The following GRIK3 variants were observed in gnomAD, a reference collection of about 807,000 sequenced individuals.
GRIK3 encodes the protein glutamate receptor ionotropic, kainate 3.
Under a neutral mutation model 102.5 loss-of-function variants are expected in GRIK3, and 29 were observed. The observed-to-expected ratio is 0.28, with a 90% CI of 0.21 to 0.39. GRIK3 has a LOEUF of 0.39. Among genes scored for constraint, GRIK3 ranks in the 10% least tolerant of loss-of-function variants. GRIK3 has a pLI of 1.00. For missense variants in GRIK3, 908 were observed against 1,252.4 expected (o/e 0.73, Z 4.15); for synonymous variants, 511 against 504.9 (o/e 1.01, Z -0.16).
intron 1 of GRIK3, among the ~76,000 whole-genome samples, chr1:36,945,283 A>G (rs1217035581): frequency 6.6e-6 from 1 of 152,232 alleles, no homozygotes; most frequent in African/African-American, 2.4e-5. Flanking sequence ...TGGACAAAGC[A>G]CCAGTTTAGG....
chr1:36,952,871 G>T (rs529043241), intron 1 of GRIK3, among the ~76,000 whole-genome samples: 1 of 152,188 alleles, frequency 6.6e-6, no homozygotes, highest in Non-Finnish European at 1.5e-5. Flanking sequence ...GCCAAATCTG[G>T]AGGAGAGGGA....
intron 15 of GRIK3, among the ~76,000 whole-genome samples, chr1:36,802,290 A>G (rs1020616799): frequency 6.6e-6 from 1 of 152,146 alleles, no homozygotes. Flanking sequence ...TCATTTATAC[A>G]TGAGCAAACT....
At chr1:36,846,409 C>T (rs61769813) in intron 9 of GRIK3, among the ~76,000 whole-genome samples, 18,162 of 152,224 alleles carry the variant, frequency 0.12, 1,206 homozygotes, top group Non-Finnish European at 0.15. Flanking sequence ...TCACACAGAG[C>T]TGCTGCTTTC....
intron 1 of GRIK3, among the ~76,000 whole-genome samples, chr1:36,923,741 A>G (rs1641497922): frequency 1.3e-5 from 2 of 152,148 alleles, no homozygotes; most frequent in Admixed American, 1.3e-4. Context: ...CCTTATTCTC[A>G]TCCCATAACC....
intron 1 of GRIK3, among the ~76,000 whole-genome samples, chr1:36,966,028 G>C (rs958751046): frequency 6.6e-6 from 1 of 152,144 alleles, no homozygotes; most frequent in Non-Finnish European, 1.5e-5. Flanking sequence ...GTGCTGAGAC[G>C]GCACTTCTTA....
At chr1:36,950,188 T>C (rs1211509035) in intron 1 of GRIK3, among the ~76,000 whole-genome samples, 1 of 152,164 alleles carries the variant, frequency 6.6e-6, no homozygotes, top group Non-Finnish European at 1.5e-5. Context: ...AGTGTAGAAA[T>C]TGGAACTCTG....
intron 13 of GRIK3, among the ~76,000 whole-genome samples, chr1:36,810,852 G>A (rs1642553412): frequency 6.6e-6 from 1 of 152,228 alleles, no homozygotes; most frequent in South Asian, 2.1e-4. Flanking sequence ...CAGGCTCCCT[G>A]GTAAGGACAG....
chr1:36,891,007 T>C lies in GRIK3; in HGVS notation c.205A>G (p.Arg69Gly). 1 of 1,614,022 alleles carries C rather than the reference T, an allele frequency of 6.2e-7. No individual in the cohort carries two copies. Residue 69 changes from arginine (R) to glycine (G), a missense_variant, in exon 2 of 16, where the codon AGG becomes GGG. Arg to Gly is a moderately radical substitution (Grantham distance 125). Transcript: ENST00000373091. ...GTGTTGGGCAGCAGAGTCCTGTTCC[T>C]GTTGATGATGTTGGCAGAAAATCGA... ...AFRFSANIINRNRTLLPNTTL... is the reference protein window; with the variant it reads ...AFRFSANIINGNRTLLPNTTL...
chr1:36,825,734 G>A lies in GRIK3; in HGVS notation c.1623C>T (p.Ser541=). ...FSKPFMTLGV[S]ILYRKPNGTN... is the part of the protein sequence containing the mutation. The stretch of plus-strand genomic sequence containing the variant: ...TGCCATTGGGCTTTCGATACAGGAT[G>A]CTCACACCAAGTGTCATGAAGGGCT... Residue 541 remains serine, a synonymous_variant, in exon 11 of 16, where the codon AGC becomes AGT. Coordinates refer to ENST00000373091, the MANE Select transcript of GRIK3 (RefSeq NM_000831.4). The A allele has an allele frequency of 6.2e-7, 1 of 1,614,004 alleles. No individual in the cohort carries two copies. The highest frequency in any genetic ancestry group is 8.5e-7 in the Non-Finnish European group (1 of 1,179,900).
At chr1:36,889,990 G>T (rs988868555) in intron 2 of GRIK3, among the ~76,000 whole-genome samples, 1 of 152,092 alleles carries the variant, frequency 6.6e-6, no homozygotes, top group African/African-American at 2.4e-5. Context: ...GCAGGGAGAT[G>T]GACACTTCAC....
Position 36,906,354 on chromosome 1 carries a change from C to A in GRIK3, c.116-15258G>T, listed in dbSNP as rs77414130. Among the ~76,000 whole-genome samples, 110 of 152,250 alleles carry A rather than the reference C, an allele frequency of 7.2e-4. 2 individuals are homozygous for A. The South Asian group carries it at 8.7e-3, about 12-fold the overall frequency. Reference sequence around the variant, plus strand: ...GTTTCTCCGAGACTCAGTTTCTCCACCTGCAAGATGGGGTACACATCTCAG... The same window carrying A: ...GTTTCTCCGAGACTCAGTTTCTCCAACTGCAAGATGGGGTACACATCTCAG... On this transcript the variant is annotated intron_variant, in intron 1 of 15. Coordinates refer to ENST00000373091, the MANE Select transcript of GRIK3 (RefSeq NM_000831.4).
chr1:36,797,557 C>T lies in GRIK3; in HGVS notation c.*4294G>A, dbSNP rs1227672684. 1 of 152,178 alleles carries T rather than the reference C, an allele frequency of 6.6e-6. No individual in the cohort carries two copies. Among genetic ancestry groups the T allele is most frequent in the Non-Finnish European group, 1.5e-5 (1 of 68,030 alleles). The allele number at this position is 152,178 out of a possible 1,614,324, so 9.4% of individuals were successfully genotyped here. On this transcript the variant is annotated 3_prime_UTR_variant, in exon 16 of 16. Coordinates refer to ENST00000373091, the MANE Select transcript of GRIK3 (RefSeq NM_000831.4). ...CAGATGTGTCTAATCCAGAGACCTG[C>T]CCACAGAGTTGGGCTCATTTCTTGT... is the stretch of plus-strand genomic sequence containing the variant.
intron 15 of GRIK3, among the ~76,000 whole-genome samples, chr1:36,803,497 C>T (rs1162844335): frequency 2.0e-5 from 3 of 152,084 alleles, no homozygotes; most frequent in Non-Finnish European, 4.4e-5. Flanking sequence ...GTGGCGTGAC[C>T]TTGGCTCACT....
chr1:36,832,703 C>T (rs1354489423), intron 10 of GRIK3, among the ~76,000 whole-genome samples: 2 of 152,242 alleles, frequency 1.3e-5, no homozygotes, highest in African/African-American at 4.8e-5. Context: ...AGCTCCATCC[C>T]TATGCCTCTG....
In GRIK3 at chr1:36,819,858, C is replaced by A. The variant is rs771616647; in HGVS notation, c.1755-4G>T. ...GTACCACTCATAAGGGCTGAACCTG[C>A]CACAGGAGGAGAGGGACAGTCAGCC... On this transcript the variant is annotated splice_polypyrimidine_tract_variant and splice_region_variant and intron_variant, in intron 11 of 15. Coordinates refer to ENST00000373091, the MANE Select transcript of GRIK3 (RefSeq NM_000831.4). This position sits in a 1 kb window ranked among gnomAD's most constrained non-coding sequence, Gnocchi z 4.1. 6 of 1,475,950 alleles carry A rather than the reference C, an allele frequency of 4.1e-6. No homozygotes were observed. The highest frequency in any genetic ancestry group is 5.6e-6 in the Non-Finnish European group (6 of 1,064,888). The allele number at this position is 1,475,950 out of a possible 1,614,324, so 91.4% of individuals were successfully genotyped here.
intron 13 of GRIK3, among the ~76,000 whole-genome samples, chr1:36,814,520 C>CCCCA (rs1553173908): frequency 3.7e-5 from 5 of 134,348 alleles, no homozygotes; most frequent in African/African-American, 1.1e-4. Context: ...CCCCCCCCCC[C>CCCCA]CACACACAGA....
intron 13 of GRIK3, among the ~76,000 whole-genome samples, chr1:36,810,768 T>G (rs965621036): frequency 6.6e-6 from 1 of 152,138 alleles, no homozygotes; most frequent in African/African-American, 2.4e-5. Context: ...ATTTGAGCAG[T>G]TTATCATTTT....
At position 36,859,878 on chromosome 1, in the gene GRIK3, C is replaced by G; in HGVS notation, c.926G>C (p.Arg309Pro). 1 of 1,614,016 alleles carries G rather than the reference C, an allele frequency of 6.2e-7. No individual in the cohort carries two copies. Among genetic ancestry groups the G allele is most frequent in the South Asian group, 1.1e-5 (1 of 91,080 alleles). Residue 309 changes from arginine to proline, a missense_variant, in exon 6 of 16, where the codon CGG (arginine) becomes CCG (proline). Transcript: ENST00000373091. ...TCCATCCAGCAGGCCAGACTCGGAC[C>G]GGGGAGCTGCCTGCAGCCGCTCCAT... The part of the protein sequence containing the change: ...WSMERLQAAP[R>P]SESGLLDGVM...
chr1:37,000,416 T>G (rs534409860), intron 1 of GRIK3, among the ~76,000 whole-genome samples: 1 of 152,310 alleles, frequency 6.6e-6, no homozygotes, highest in East Asian at 1.9e-4. Flanking sequence ...GTAAGTGCTA[T>G]TAACCCAATT....
Sources: allele counts gnomAD v4.1 joint callset (sites outside exome capture counted in the v4.1 genomes callset), GRCh38; gene constraint gnomAD v4.1.1; non-coding constraint Gnocchi (gnomAD v3.1); transcripts MANE v1.5; gene names NCBI Gene and HGNC (gene_info 2026-07-23, HGNC 2026-07-21).